CNTNAP2: variants seen among roughly 807,000 people sequenced by gnomAD.
CNTNAP2 encodes the protein contactin associated protein 2, also known as contactin-associated protein-like 2.
Under a neutral mutation model 155.2 loss-of-function variants are expected in CNTNAP2, and 98 were observed. The ratio of observed to expected loss-of-function variants is 0.63; its 90% CI spans 0.54 to 0.75. The LOEUF is 0.75. Among genes scored for constraint, CNTNAP2 ranks in the 30% least tolerant of loss-of-function variants. CNTNAP2 has a pLI of 0.00. For missense variants in CNTNAP2, 1,727 were observed against 1,688.1 expected, an observed-to-expected ratio of 1.02 and a Z score of -0.40; for synonymous variants, 651 against 631.2, an observed-to-expected ratio of 1.03 and a Z score of -0.47.
rs190502542 is a variant in CNTNAP2 at position 146,603,269 on chromosome 7, G to A, written c.98-171002G>A. Among the ~76,000 whole-genome samples the A allele has an allele frequency of 1.7e-4, 26 of 150,942 alleles. 1 individual carries two copies. The highest frequency in any genetic ancestry group is 5.3e-4 in the African/African-American group (22 of 41,278). Reference sequence around the variant, plus strand: ...CTACTAAAAATACAAAACATTAGCCGGGCGTGGTGGCGGGCGCCTGTAGTC... The same window carrying A: ...CTACTAAAAATACAAAACATTAGCCAGGCGTGGTGGCGGGCGCCTGTAGTC... On this transcript the variant is annotated intron_variant, in intron 1 of 23. Coordinates refer to ENST00000361727, the MANE Select transcript of CNTNAP2 (RefSeq NM_014141.6).
At chr7:146,806,846 G>A (rs988189138) in intron 2 of CNTNAP2, among the ~76,000 whole-genome samples, 3 of 152,120 alleles carry the variant, frequency 2.0e-5, no homozygotes, top group Non-Finnish European at 4.4e-5. Flanking sequence ...CCACATGATG[G>A]AGTGTAACCT....
intron 15 of CNTNAP2, among the ~76,000 whole-genome samples, chr7:148,100,808 CTGCTA>C (rs1233178629): frequency 2.0e-5 from 3 of 152,140 alleles, no homozygotes; most frequent in Non-Finnish European, 4.4e-5. Context: ...ATAAATCATG[CTGCTA>C]TAAAGACACA....
At chr7:146,969,529 CTCT>C (rs1300282009) in intron 3 of CNTNAP2, among the ~76,000 whole-genome samples, 3 of 152,098 alleles carry the variant, frequency 2.0e-5, no homozygotes, top group Non-Finnish European at 4.4e-5. Flanking sequence ...GGATAGTTAG[CTCT>C]TCTTGTTGAA....
At chr7:147,193,336 G>A (rs1017878983) in intron 8 of CNTNAP2, among the ~76,000 whole-genome samples, 5 of 152,164 alleles carry the variant, frequency 3.3e-5, no homozygotes, top group East Asian at 1.9e-4. Flanking sequence ...TAAGCCTGTC[G>A]AACAGGCTGC....
intron 12 of CNTNAP2, among the ~76,000 whole-genome samples, chr7:147,625,199 G>T (rs1794945702): frequency 6.6e-6 from 1 of 152,042 alleles, no homozygotes; most frequent in Non-Finnish European, 1.5e-5. Flanking sequence ...GCACATCAGG[G>T]TTACCATAGT....
intron 1 of CNTNAP2, among the ~76,000 whole-genome samples, chr7:146,729,149 T>A (rs576725176): frequency 1.7e-4 from 26 of 152,208 alleles, no homozygotes; most frequent in Non-Finnish European, 7.3e-5. Context: ...GTCTTTCCAT[T>A]GCTGACTAAG....
intron 13 of CNTNAP2, among the ~76,000 whole-genome samples, chr7:147,836,268 C>G (rs1013868190): frequency 6.6e-6 from 1 of 152,072 alleles, no homozygotes; most frequent in Non-Finnish European, 1.5e-5. Context: ...GTTTTTTAGC[C>G]TAAAGACTCT....
At chr7:147,908,929 A>G (rs1800013486) in intron 14 of CNTNAP2, among the ~76,000 whole-genome samples, 2 of 152,224 alleles carry the variant, frequency 1.3e-5, no homozygotes, top group African/African-American at 4.8e-5. Flanking sequence ...TTGTTTTCTT[A>G]TCAGCAAAAT....
chr7:146,590,476 G>A (rs1300973480), intron 1 of CNTNAP2, among the ~76,000 whole-genome samples: 1 of 152,066 alleles, frequency 6.6e-6, no homozygotes, highest in East Asian at 1.9e-4. Flanking sequence ...ATGAAATTAT[G>A]TTTTTAATTA....
intron 13 of CNTNAP2, among the ~76,000 whole-genome samples, chr7:147,675,645 G>T (rs1795855483): frequency 6.6e-6 from 1 of 152,042 alleles, no homozygotes; most frequent in East Asian, 1.9e-4. Flanking sequence ...ATCTCTTCTA[G>T]AAACACTTCA....
chr7:147,943,726 C>T (rs77613095), intron 14 of CNTNAP2, among the ~76,000 whole-genome samples: 1,436 of 124,434 alleles, frequency 0.012, 23 homozygotes, highest in African/African-American at 0.04. Flanking sequence ...TAATGTCACT[C>T]ACTGCACTCC....
intron 1 of CNTNAP2, among the ~76,000 whole-genome samples, chr7:146,233,087 A>T (rs1410030079): frequency 2.6e-5 from 4 of 152,066 alleles, no homozygotes; most frequent in African/African-American, 4.8e-5. Context: ...AAACATTTCT[A>T]GAAAAAATCC....
At chr7:147,178,891 A>G (rs1184114468) in intron 8 of CNTNAP2, among the ~76,000 whole-genome samples, 3 of 152,110 alleles carry the variant, frequency 2.0e-5, no homozygotes, top group Non-Finnish European at 4.4e-5. Flanking sequence ...AGCATATTCC[A>G]TCTGTTTTGG....
intron 8 of CNTNAP2, among the ~76,000 whole-genome samples, chr7:147,288,185 A>G (rs1470409489): frequency 2.0e-5 from 3 of 152,030 alleles, no homozygotes; most frequent in South Asian, 2.1e-4. Flanking sequence ...CCTTTTGTCA[A>G]TCATTCTTAT....
chr7:148,332,803 C>A (rs1798052925), intron 21 of CNTNAP2, among the ~76,000 whole-genome samples: 1 of 152,068 alleles, frequency 6.6e-6, no homozygotes. Context: ...CTTCAGGGCT[C>A]CACGCTGGAA....
intron 4 of CNTNAP2, among the ~76,000 whole-genome samples, chr7:147,060,102 C>T (rs757368171): frequency 1.3e-5 from 2 of 151,928 alleles, no homozygotes; most frequent in African/African-American, 2.4e-5. Context: ...TTCATTCAAT[C>T]ACTAAGTGTA....
At chr7:148,187,722 C>T (rs1162866398) in intron 18 of CNTNAP2, among the ~76,000 whole-genome samples, 1 of 152,152 alleles carries the variant, frequency 6.6e-6, no homozygotes, top group Non-Finnish European at 1.5e-5. Context: ...CATTACACTA[C>T]ATGGCCATAC....
intron 1 of CNTNAP2, among the ~76,000 whole-genome samples, chr7:146,313,395 T>A (rs1008277650): frequency 2.0e-5 from 3 of 152,232 alleles, no homozygotes; most frequent in African/African-American, 4.8e-5. Flanking sequence ...GCACATTTTA[T>A]AATTGGGTTG....
chr7:146,922,345 T>G (rs1190949979), intron 3 of CNTNAP2, among the ~76,000 whole-genome samples: 13 of 152,036 alleles, frequency 8.6e-5, no homozygotes, highest in African/African-American at 3.1e-4. Context: ...TTGTATAGAT[T>G]GTGTCAAATT....
Sources: allele counts gnomAD v4.1 joint callset (sites outside exome capture counted in the v4.1 genomes callset), GRCh38; gene constraint gnomAD v4.1.1; transcripts MANE v1.5; gene names NCBI Gene and HGNC (gene_info 2026-07-23, HGNC 2026-07-21).